Variants in GNG2 observed in about 807,000 individuals in gnomAD.
GNG2 encodes the protein G protein subunit gamma 2, also known as guanine nucleotide-binding protein G(I)/G(S)/G(O) subunit gamma-2.
Under a neutral mutation model 5.5 loss-of-function variants are expected in GNG2, and 5 were observed. That is an observed-to-expected ratio of 0.91 (90% CI 0.48 to 1.92). The LOEUF (loss-of-function observed/expected upper bound fraction) is 1.92. Ranked by LOEUF, GNG2 falls within the 30% of genes most tolerant of loss-of-function variation. The pLI, the probability that GNG2 is intolerant of heterozygous loss-of-function variation, is 0.01. For synonymous variants in GNG2, 28 were observed against 32.0 expected, an observed-to-expected ratio of 0.88 and a Z score of 0.42; for missense variants, 55 against 88.4, an observed-to-expected ratio of 0.62 and a Z score of 1.52.
chr14:51,858,670 T>G (rs889749283), upstream of GNG2, among the ~76,000 whole-genome samples: 1 of 152,212 alleles, frequency 6.6e-6, no homozygotes, highest in African/African-American at 2.4e-5. Context: ...CTCATTTTTC[T>G]TAGACTTGGC....
At chr14:51,941,454 C>T (rs1566702436) in intron 2 of GNG2, among the ~76,000 whole-genome samples, 1 of 152,110 alleles carries the variant, frequency 6.6e-6, no homozygotes, top group Non-Finnish European at 1.5e-5. Flanking sequence ...CTTGTAAATA[C>T]ACAAAACAAA....
chr14:51,906,757 C>CTTTT lies in GNG2; in HGVS notation c.-30+29113_-30+29116dup, dbSNP rs34240079. On this transcript the variant is annotated intron_variant, in intron 2 of 3. Coordinates refer to ENST00000556766, the MANE Select transcript of GNG2 (RefSeq NM_053064.5). ...TTGCATGCAGCCTGCTGGAGAATCT[C>CTTTT]TTTTTTTTTTTTTTTTGAGACGGAG... Among the ~76,000 whole-genome samples, 14 of 105,302 alleles carry CTTTT rather than the reference C, an allele frequency of 1.3e-4. 2 individuals are homozygous for CTTTT. The highest frequency in any genetic ancestry group is 3.4e-4 in the East Asian group (1 of 2,942). 69.1% of individuals were successfully genotyped at this position (105,302 alleles called of 152,430 possible). A position where few individuals can be genotyped will look rare whatever the true frequency, so the allele number is the denominator to read the frequency against.
At chr14:51,863,388 C>T (rs544685046) in intron 1 of GNG2, among the ~76,000 whole-genome samples, 5 of 152,136 alleles carry the variant, frequency 3.3e-5, no homozygotes, top group South Asian at 2.1e-4. Context: ...CTTTTGTGTG[C>T]GGATAAGTGA....
At chr14:51,928,311 C>T (rs752445188) in intron 2 of GNG2, among the ~76,000 whole-genome samples, 15 of 151,982 alleles carry the variant, frequency 9.9e-5, no homozygotes, top group African/African-American at 1.9e-4. Flanking sequence ...ATTACAGGCG[C>T]GGTGGCTCAC....
intron 2 of GNG2, among the ~76,000 whole-genome samples, chr14:51,908,571 TAGAGAG>T (rs1348026476): frequency 6.7e-6 from 1 of 149,646 alleles, no homozygotes; most frequent in African/African-American, 2.5e-5. Flanking sequence ...TCCATATATA[TAGAGAG>T]AGAGAGAGAG....
chr14:51,838,787 C>T (rs945955837), intron 2 of GNG2, among the ~76,000 whole-genome samples: 1 of 152,010 alleles, frequency 6.6e-6, no homozygotes, highest in African/African-American at 2.4e-5. Context: ...ATCTTTAGTC[C>T]CAGGTACTCA....
intron 2 of GNG2, among the ~76,000 whole-genome samples, chr14:51,886,068 T>C (rs1229264393): frequency 1.3e-5 from 2 of 152,214 alleles, no homozygotes; most frequent in East Asian, 3.8e-4. Flanking sequence ...AGCAAGCATC[T>C]CTTTCTTTAT....
chr14:51,935,766 G>A (rs115313666), intron 2 of GNG2, among the ~76,000 whole-genome samples: 2,363 of 152,232 alleles, frequency 0.016, 51 homozygotes, highest in African/African-American at 0.052. Context: ...CTCGGTTTTT[G>A]GGGAGGTTGC....
chr14:51,940,932 A>G (rs1888285376), intron 2 of GNG2, among the ~76,000 whole-genome samples: 1 of 152,186 alleles, frequency 6.6e-6, no homozygotes, highest in Non-Finnish European at 1.5e-5. Context: ...TAAGTTCACT[A>G]GAGTTCTGTT....
chr14:51,871,742 T>A (rs762817636), intron 1 of GNG2, among the ~76,000 whole-genome samples: 1 of 152,190 alleles, frequency 6.6e-6, no homozygotes, highest in Non-Finnish European at 1.5e-5. Context: ...TGGCCCAACA[T>A]TAATCATAGG....
intron 2 of GNG2, among the ~76,000 whole-genome samples, chr14:51,907,202 G>A (rs566155351): frequency 6.6e-6 from 1 of 152,314 alleles, no homozygotes; most frequent in Non-Finnish European, 1.5e-5. Context: ...GGTGCTATGG[G>A]AGAAATTGGT....
At chr14:51,893,015 C>T (rs1433130614) in intron 2 of GNG2, among the ~76,000 whole-genome samples, 3 of 152,158 alleles carry the variant, frequency 2.0e-5, no homozygotes, top group Admixed American at 2.0e-4. Flanking sequence ...ATGATTATAT[C>T]ATCTTCACTC....
chr14:51,914,849 T>TA (rs1277901593), intron 2 of GNG2, among the ~76,000 whole-genome samples: 1 of 152,106 alleles, frequency 6.6e-6, no homozygotes, highest in Non-Finnish European at 1.5e-5. Context: ...ACGCATAACT[T>TA]TGGAAGAAAC....
At chr14:51,856,221 G>T (rs940817812), upstream of GNG2, among the ~76,000 whole-genome samples, 3 of 151,946 alleles carry the variant, frequency 2.0e-5, no homozygotes, top group African/African-American at 7.3e-5. Context: ...GGGCATGGCG[G>T]GGGAGGAGAG....
At chr14:51,879,895 G>T (rs1277294131) in intron 2 of GNG2, among the ~76,000 whole-genome samples, 3 of 152,116 alleles carry the variant, frequency 2.0e-5, no homozygotes, top group Non-Finnish European at 4.4e-5. Flanking sequence ...GAACATATTT[G>T]GGGCCTATTA....
At chr14:51,915,240 T>C (rs1202799607) in intron 2 of GNG2, among the ~76,000 whole-genome samples, 1 of 152,218 alleles carries the variant, frequency 6.6e-6, no homozygotes, top group Non-Finnish European at 1.5e-5. Context: ...AGGCCTTCTG[T>C]GAAGGGCAGT....
chr14:51,915,405 C>T (rs1412547574), intron 2 of GNG2, among the ~76,000 whole-genome samples: 1 of 151,950 alleles, frequency 6.6e-6, no homozygotes, highest in Non-Finnish European at 1.5e-5. Context: ...CTGTTACTGC[C>T]CTAAATAGGA....
intron 2 of GNG2, chr14:51,914,416 G>C: frequency 1.6e-6 from 1 of 617,102 alleles, no homozygotes; most frequent in South Asian, 1.9e-5. Flanking sequence ...TTGTGCTAAG[G>C]TTCCCAAGGT....
At chr14:51,840,561 C>T (rs1881455982) in intron 2 of GNG2, among the ~76,000 whole-genome samples, 1 of 152,198 alleles carries the variant, frequency 6.6e-6, no homozygotes, top group South Asian at 2.1e-4. Flanking sequence ...ATCTCAAACT[C>T]TCTGCATCTT....
Sources: gnomAD v4.1 joint callset for allele counts (sites outside exome capture counted in the v4.1 genomes callset) on GRCh38, gnomAD v4.1.1 for gene constraint, MANE v1.5 for transcripts, NCBI Gene and HGNC (gene_info 2026-07-23, HGNC 2026-07-21) for gene names.